Variants in RABGEF1 observed in about 807,000 individuals in gnomAD.
RABGEF1 encodes RAB guanine nucleotide exchange factor 1, also known as rab5 GDP/GTP exchange factor.
In RABGEF1, 26 loss-of-function variants were observed where a neutral mutation model predicts 57.3. That is an observed-to-expected ratio of 0.45 (90% CI 0.33 to 0.63). RABGEF1 has a LOEUF of 0.63. Ranked by LOEUF, RABGEF1 falls within the 20% of genes least tolerant of loss-of-function variation. RABGEF1 has a pLI of 0.02. For missense variants in RABGEF1, 464 were observed against 607.6 expected, an observed-to-expected ratio of 0.76 and a Z score of 2.48; for synonymous variants, 185 against 210.7, an observed-to-expected ratio of 0.88 and a Z score of 1.06.
At chr7:66,760,255 T>G (rs1803946057) in intron 1 of RABGEF1, among the ~76,000 whole-genome samples, 1 of 152,216 alleles carries the variant, frequency 6.6e-6, no homozygotes, top group African/African-American at 2.4e-5. Context: ...TTTTGTCATT[T>G]GGAAAGGTTG....
At chr7:66,715,047 CTCCTTCTCTTTCTCTTTT>C (rs1234924210) in intron 2 of RABGEF1, among the ~76,000 whole-genome samples, 4 of 152,128 alleles carry the variant, frequency 2.6e-5, no homozygotes, top group South Asian at 2.1e-4. Context: ...ACTACTTCTT[CTCCTTCTCTTTCTCTTTT>C]TCCTTCTCTT....
chr7:66,694,066 CCCACAGTG>C (rs1791959157), intron 1 of RABGEF1, among the ~76,000 whole-genome samples: 1 of 152,214 alleles, frequency 6.6e-6, no homozygotes, highest in Non-Finnish European at 1.5e-5. Flanking sequence ...ATCTGGGCCT[CCCACAGTG>C]CTGGGATTAC....
At chr7:66,696,075 A>T (rs34250985) in intron 1 of RABGEF1, among the ~76,000 whole-genome samples, 13,477 of 151,174 alleles carry the variant, frequency 0.089, 739 homozygotes, top group Middle Eastern at 0.2. Flanking sequence ...ATATATATAT[A>T]TTTTTTTCTT....
chr7:66,728,167 T>C (rs1796807849), intron 2 of RABGEF1, among the ~76,000 whole-genome samples: 1 of 152,206 alleles, frequency 6.6e-6, no homozygotes, highest in Admixed American at 6.5e-5. Context: ...AGGGCCTTGC[T>C]TTGTTTCTGA....
intron 3 of RABGEF1, among the ~76,000 whole-genome samples, chr7:66,776,634 G>A (rs1355880511): frequency 2.0e-5 from 3 of 152,226 alleles, no homozygotes; most frequent in Non-Finnish European, 2.9e-5. Context: ...GGAGGAGGTT[G>A]CAGTGAGCCG....
chr7:66,739,674 A>T, upstream of RABGEF1, among the ~76,000 whole-genome samples: 1 of 151,694 alleles, frequency 6.6e-6, no homozygotes, highest in African/African-American at 2.4e-5. Context: ...AAAAAAAAAA[A>T]AAAAAAAAAT....
chr7:66,674,895 T>G, the RABGEF1 span, among the ~76,000 whole-genome samples: 1 of 151,916 alleles, frequency 6.6e-6, no homozygotes, highest in Non-Finnish European at 1.5e-5. Flanking sequence ...TTATAAAAAT[T>G]GAACTGTACA....
At chr7:66,659,809 A>G in the RABGEF1 span, among the ~76,000 whole-genome samples, 4 of 151,950 alleles carry the variant, frequency 2.6e-5, no homozygotes, top group East Asian at 7.7e-4. Context: ...AATAAAAAAT[A>G]AAAGAAAGAT....
At chr7:66,749,754 G>C (rs532804428) in intron 1 of RABGEF1, among the ~76,000 whole-genome samples, 1 of 152,168 alleles carries the variant, frequency 6.6e-6, no homozygotes, top group Non-Finnish European at 1.5e-5. Context: ...GGCGGATCAC[G>C]AGGTCAGGAG....
intron 2 of RABGEF1, among the ~76,000 whole-genome samples, chr7:66,772,783 G>GC (rs1226361701): frequency 6.6e-6 from 1 of 151,742 alleles, no homozygotes; most frequent in Admixed American, 6.6e-5. Flanking sequence ...ATGGTGGTAC[G>GC]CATTTGTTAT....
At chr7:66,737,301 C>G (rs1039563511), upstream of RABGEF1, among the ~76,000 whole-genome samples, 1 of 152,002 alleles carries the variant, frequency 6.6e-6, no homozygotes, top group Non-Finnish European at 1.5e-5. Flanking sequence ...AATGCAGTGG[C>G]TGTTCTTCAC....
intron 2 of RABGEF1, among the ~76,000 whole-genome samples, chr7:66,719,733 C>A (rs1327342811): frequency 6.6e-6 from 1 of 152,160 alleles, no homozygotes; most frequent in Non-Finnish European, 1.5e-5. Flanking sequence ...GGGGCCAAAC[C>A]AGACTATGAT....
the RABGEF1 span, among the ~76,000 whole-genome samples, chr7:66,667,959 G>GA: frequency 6.6e-6 from 1 of 152,040 alleles, no homozygotes; most frequent in Admixed American, 6.6e-5. Flanking sequence ...CACCACGCCT[G>GA]GCTGATTTTT....
intron 2 of RABGEF1, among the ~76,000 whole-genome samples, chr7:66,774,224 G>A (rs1285693868): frequency 6.6e-6 from 1 of 152,054 alleles, no homozygotes; most frequent in Admixed American, 6.6e-5. Context: ...TTTACCTTTT[G>A]TACTCCTATT....
At chr7:66,669,480 A>G in the RABGEF1 span, among the ~76,000 whole-genome samples, 2 of 152,280 alleles carry the variant, frequency 1.3e-5, no homozygotes, top group East Asian at 3.9e-4. Context: ...GCAGGGAGGC[A>G]GCAAAAGACA....
At chr7:66,757,132 C>T (rs1378653025) in intron 1 of RABGEF1, among the ~76,000 whole-genome samples, 2 of 152,134 alleles carry the variant, frequency 1.3e-5, no homozygotes, top group Non-Finnish European at 2.9e-5. Context: ...ATGTTTGACA[C>T]TGTTACAACA....
At position 66,811,240 on chromosome 7, in the gene RABGEF1, A is replaced by G. The variant is rs926022433; in HGVS notation, c.*1956A>G. On this transcript the variant is annotated 3_prime_UTR_variant, in exon 9 of 9. Transcript: ENST00000284957. ...ACATATAAAGTAGGTTATTGAGTTG[A>G]TTTTTTTGGAGGTATCTCATATTGG... is the stretch of plus-strand genomic sequence containing the variant. 2 of 152,136 alleles carry G rather than the reference A, an allele frequency of 1.3e-5. No homozygotes were observed. Among genetic ancestry groups the G allele is most frequent in the Middle Eastern group, 3.4e-3 (1 of 294 alleles). The allele number at this position is 152,136 out of a possible 1,614,324, so 9.4% of individuals were successfully genotyped here.
the RABGEF1 span, among the ~76,000 whole-genome samples, chr7:66,671,047 A>C: frequency 2.6e-5 from 4 of 151,990 alleles, no homozygotes; most frequent in African/African-American, 7.2e-5. Context: ...AGAGAGATAG[A>C]GAGATGGGAT....
At chr7:66,799,017 C>T (rs1786677621) in intron 6 of RABGEF1, among the ~76,000 whole-genome samples, 1 of 152,218 alleles carries the variant, frequency 6.6e-6, no homozygotes. Context: ...CGAGGACAGG[C>T]AGCAGCCAAT....
Sources: allele counts gnomAD v4.1 joint callset (sites outside exome capture counted in the v4.1 genomes callset), GRCh38; gene constraint gnomAD v4.1.1; transcripts MANE v1.5; gene names NCBI Gene and HGNC (gene_info 2026-07-23, HGNC 2026-07-21).